The following NBAS variants were observed in gnomAD, a reference collection of about 807,000 sequenced individuals.
The protein encoded by NBAS is NAG/BC035112 fusion.
A neutral mutation model predicts 302.5 loss-of-function variants in NBAS; 219 were observed. The ratio of observed to expected loss-of-function variants is 0.72; its 90% confidence interval spans 0.65 to 0.81. NBAS has a LOEUF of 0.81. Ranked by LOEUF, NBAS falls within the 30% of genes least tolerant of loss-of-function variation. NBAS has a pLI of 0.00. For missense variants in NBAS, 2,932 were observed against 2,841.6 expected (o/e 1.03, Z -0.72); for synonymous variants, 1,118 against 1,021.6 (o/e 1.09, Z -1.80).
At chr2:15,509,573 T>C (rs983307636) in intron 10 of NBAS, among the ~76,000 whole-genome samples, 2 of 152,230 alleles carry the variant, frequency 1.3e-5, no homozygotes, top group East Asian at 1.9e-4. Context: ...ATGCTAAAAA[T>C]AAAATTCACA....
chr2:15,412,972 C>T (rs1043971139), intron 25 of NBAS, among the ~76,000 whole-genome samples: 1 of 152,204 alleles, frequency 6.6e-6, no homozygotes, highest in Non-Finnish European at 1.5e-5. Context: ...ATTACAAAGC[C>T]CTATCTTACT....
chr2:14,871,849 T>C, the NBAS span, among the ~76,000 whole-genome samples: 2 of 152,052 alleles, frequency 1.3e-5, no homozygotes, highest in Admixed American at 6.6e-5. Context: ...ACAACACAAA[T>C]AGAAAACTAA....
Position 15,287,954 on chromosome 2 carries a change from T to C in NBAS, c.5028-771A>G, listed in dbSNP as rs145305459. On this transcript the variant is annotated intron_variant, in intron 41 of 51. Coordinates refer to ENST00000281513, the MANE Select transcript of NBAS (RefSeq NM_015909.4). ...GGGCATTCTGAGCACCCCATGGAGG[T>C]AGCCCGAGCACCGTGCGTAGGCAGC... Among the ~76,000 whole-genome samples, 5 of 141,892 alleles carry C rather than the reference T, an allele frequency of 3.5e-5. No individual in the cohort carries two copies. The East Asian group carries it at 6.8e-4, about 19-fold the overall frequency. 93.1% of individuals were successfully genotyped at this position (141,892 alleles called of 152,430 possible). A position where few individuals can be genotyped will look rare whatever the true frequency, so the allele number is the denominator to read the frequency against.
chr2:14,916,859 T>C, the NBAS span, among the ~76,000 whole-genome samples: 1 of 152,222 alleles, frequency 6.6e-6, no homozygotes, highest in South Asian at 2.1e-4. Context: ...CAATGTTTGT[T>C]CTGTTCCCAG....
chr2:15,205,010 A>G (rs965712385), intron 48 of NBAS, among the ~76,000 whole-genome samples: 14 of 152,136 alleles, frequency 9.2e-5, no homozygotes, highest in Non-Finnish European at 1.8e-4. Flanking sequence ...AACTATAATA[A>G]TAAAAAATAA....
the NBAS span, among the ~76,000 whole-genome samples, chr2:15,026,208 G>A: frequency 2.0e-4 from 2 of 10,228 alleles, 1 homozygote; most frequent in Non-Finnish European, 3.5e-4. Flanking sequence ...TGTAATCCCA[G>A]CACTTTGGGA....
the NBAS span, among the ~76,000 whole-genome samples, chr2:14,953,240 A>G: frequency 6.6e-6 from 1 of 152,192 alleles, no homozygotes; most frequent in Non-Finnish European, 1.5e-5. Flanking sequence ...ACAGAGCACC[A>G]TTTGGACTAC....
intron 21 of NBAS, among the ~76,000 whole-genome samples, chr2:15,439,395 T>A (rs911177410): frequency 5.4e-5 from 8 of 149,188 alleles, no homozygotes; most frequent in African/African-American, 1.7e-4. Flanking sequence ...CTAACAAAGC[T>A]AAAAGGTAAA....
chr2:14,835,159 C>T, the NBAS span, among the ~76,000 whole-genome samples: 1 of 151,916 alleles, frequency 6.6e-6, no homozygotes, highest in South Asian at 2.1e-4. Flanking sequence ...GCAGGCAGAA[C>T]AGATTTTTGA....
At chr2:15,176,623 T>C (rs1051793363) in intron 51 of NBAS, among the ~76,000 whole-genome samples, 1 of 152,218 alleles carries the variant, frequency 6.6e-6, no homozygotes, top group Non-Finnish European at 1.5e-5. Flanking sequence ...TTTTTTCAGA[T>C]TTTGGAATAT....
chr2:15,230,545 A>G (rs1380855701), intron 47 of NBAS, among the ~76,000 whole-genome samples: 1 of 152,152 alleles, frequency 6.6e-6, no homozygotes, highest in South Asian at 2.1e-4. Context: ...GTATTAGAGT[A>G]AGTCTCAAAT....
At chr2:14,913,362 T>C in the NBAS span, among the ~76,000 whole-genome samples, 1 of 151,924 alleles carries the variant, frequency 6.6e-6, no homozygotes, top group Non-Finnish European at 1.5e-5. Context: ...TCTCAAGACA[T>C]AAGTCATTAA....
At chr2:15,247,553 G>A (rs991500551) in intron 44 of NBAS, among the ~76,000 whole-genome samples, 1 of 152,048 alleles carries the variant, frequency 6.6e-6, no homozygotes, top group African/African-American at 2.4e-5. Flanking sequence ...AAAAAAAGCA[G>A]GGGTTGCAAT....
In NBAS at chr2:15,203,868, GT is replaced by G. The variant is rs1324825818; in HGVS notation, c.6433-13466del. ...GGCATGTCTGTGTGTGTGTGTCTGT[GT>G]CTGTGTGTGTGTGTGTGTGCTTGTG... On this transcript the variant is annotated intron_variant, in intron 48 of 51. Coordinates refer to ENST00000281513, the MANE Select transcript of NBAS (RefSeq NM_015909.4). Among the ~76,000 whole-genome samples, 446 of 126,384 alleles carry G rather than the reference GT, an allele frequency of 3.5e-3. 6 individuals are homozygous for G. The highest frequency in any genetic ancestry group is 0.014 in the African/African-American group (418 of 30,762). The allele number at this position is 126,384 out of a possible 152,430, so 82.9% of individuals were successfully genotyped here.
At chr2:15,431,592 A>C (rs1308105045) in intron 21 of NBAS, among the ~76,000 whole-genome samples, 2 of 152,206 alleles carry the variant, frequency 1.3e-5, no homozygotes, top group Non-Finnish European at 2.9e-5. Flanking sequence ...ACAACAAAAA[A>C]ATTTTAAAAT....
chr2:15,048,318 A>ACT, the NBAS span, among the ~76,000 whole-genome samples: 63 of 151,998 alleles, frequency 4.1e-4, no homozygotes, highest in African/African-American at 1.5e-3. Context: ...GCAAAGTCCA[A>ACT]TGTGCAGGGC....
intron 13 of NBAS, 152 bp downstream of exon 13, chr2:15,478,074 G>A (rs1156257518): frequency 1.0e-5 from 3 of 292,806 alleles, no homozygotes; most frequent in Non-Finnish European, 1.3e-5. Flanking sequence ...CAGAAAACTG[G>A]ATCTGTTGCC....
the NBAS span, among the ~76,000 whole-genome samples, chr2:15,057,883 T>C: frequency 6.6e-6 from 1 of 152,192 alleles, no homozygotes; most frequent in African/African-American, 2.4e-5. Flanking sequence ...GCTATAAACA[T>C]GCGTGCGAAA....
At chr2:15,323,130 A>G (rs1671898829) in intron 38 of NBAS, among the ~76,000 whole-genome samples, 1 of 152,236 alleles carries the variant, frequency 6.6e-6, no homozygotes, top group Non-Finnish European at 1.5e-5. Flanking sequence ...GGGCAGACAA[A>G]AAGTCACTGC....
Sources: gnomAD v4.1 joint callset for allele counts (sites outside exome capture counted in the v4.1 genomes callset) on GRCh38, gnomAD v4.1.1 for gene constraint, MANE v1.5 for transcripts, NCBI Gene and HGNC (gene_info 2026-07-23, HGNC 2026-07-21) for gene names.